The following PMEPA1 variants were observed in gnomAD, a reference collection of about 807,000 sequenced individuals.
PMEPA1 encodes the protein prostate transmembrane protein, androgen induced 1, also known as protein TMEPAI.
Under a neutral mutation model 23.0 loss-of-function variants are expected in PMEPA1, and 11 were observed. That is an observed-to-expected ratio of 0.48 (90% CI 0.30 to 0.79). The LOEUF is 0.79. Ranked by LOEUF, PMEPA1 falls within the 30% of genes least tolerant of loss-of-function variation. PMEPA1 has a pLI of 0.06. For synonymous variants in PMEPA1, 204 were observed against 166.4 expected (o/e 1.23, Z -1.74); for missense variants, 377 against 390.9 (o/e 0.96, Z 0.30).
At chr20:57,697,668 G>A (rs1600671211) in intron 1 of PMEPA1, among the ~76,000 whole-genome samples, 1 of 152,290 alleles carries the variant, frequency 6.6e-6, no homozygotes. Flanking sequence ...ATGCAGATGG[G>A]GAACCAACCA....
chr20:57,649,603 GC>G lies in PMEPA1; in HGVS notation c.*2449del, dbSNP rs557415815. On this transcript the variant is annotated 3_prime_UTR_variant, in exon 4 of 4. Coordinates refer to ENST00000341744, the MANE Select transcript of PMEPA1 (RefSeq NM_020182.5). ...AGGATATGAGGACTGTCTCAGCCTG[GC>G]TTTGGGCTGACACCATGCACACACA... is the stretch of plus-strand genomic sequence containing the variant. The G allele has an allele frequency of 9.8e-5, 15 of 152,320 alleles. No individual in the cohort carries two copies. Among genetic ancestry groups the G allele is most frequent in the African/African-American group, 3.6e-4 (15 of 41,544 alleles). The allele number at this position is 152,320 out of a possible 1,614,324, so 9.4% of individuals were successfully genotyped here.
intron 1 of PMEPA1, among the ~76,000 whole-genome samples, chr20:57,664,694 G>C (rs193010111): frequency 1.3e-5 from 2 of 152,206 alleles, no homozygotes; most frequent in African/African-American, 4.8e-5. Context: ...AACGCGAGGC[G>C]GAAGGAGAGA....
rs56813322 is a variant in PMEPA1 at position 57,652,834 on chromosome 20, G to A, written c.318+199C>T. Among the ~76,000 whole-genome samples, 1 of 152,192 alleles carries A rather than the reference G, an allele frequency of 6.6e-6. No homozygotes were observed. The highest frequency in any genetic ancestry group is 2.1e-4 in the South Asian group (1 of 4,834). ...AAACAGTGGCAGCGTCCGTGCTCCC[G>A]TGTGCAGAGAGCAGAGAGCTGGGCT... is the stretch of plus-strand genomic sequence containing the variant. On this transcript the variant is annotated intron_variant, in intron 3 of 3. Transcript: ENST00000341744. This position sits in a 1 kb window ranked among gnomAD's most constrained non-coding sequence, Gnocchi z 6.1.
chr20:57,661,678 G>A (rs2071420962), intron 1 of PMEPA1, among the ~76,000 whole-genome samples: 2 of 152,172 alleles, frequency 1.3e-5, no homozygotes, highest in African/African-American at 4.8e-5. Context: ...GATGCCAGGC[G>A]CTCGGGCCAT....
chr20:57,652,557 G>C lies in PMEPA1; in HGVS notation c.360C>G (p.Ala120=), dbSNP rs574354854. 3.3e-6 allele frequency: 5 copies of C among 1,528,576 alleles called. No homozygotes were observed. Among genetic ancestry groups the C allele is most frequent in the South Asian group, 1.3e-5 (1 of 77,440 alleles). 94.7% of individuals were successfully genotyped at this position (1,528,576 alleles called of 1,614,324 possible). ...YAPPRPTDRL[A]VPPFAQRERF... is the part of the protein sequence containing the mutation. ...GCTCCCGCTGGGCGAAGGGCGGCAC[G>C]GCCAGGCGGTCGGTGGGCCGAGGCG... Residue 120 remains alanine (A), a synonymous_variant, in exon 4 of 4, where the codon GCC becomes GCG. Transcript: ENST00000341744. The surrounding 1 kb of genome is among the most constrained non-coding windows in gnomAD (Gnocchi z 6.1).
At chr20:57,663,859 C>T (rs1394079384) in intron 1 of PMEPA1, among the ~76,000 whole-genome samples, 2 of 152,180 alleles carry the variant, frequency 1.3e-5, no homozygotes, top group South Asian at 4.1e-4. Flanking sequence ...AAGGAGGCCC[C>T]GAAATCTCCA....
At chr20:57,686,179 G>A (rs908551569) in intron 1 of PMEPA1, among the ~76,000 whole-genome samples, 89 of 152,284 alleles carry the variant, frequency 5.8e-4, no homozygotes, top group African/African-American at 1.5e-3. Flanking sequence ...CGGGGCAGCC[G>A]GACAGGGGTG....
upstream of PMEPA1, chr20:57,710,134 A>C: frequency 1.4e-6 from 1 of 726,286 alleles, no homozygotes; most frequent in Non-Finnish European, 1.8e-6. Context: ...GGGCGGGGTG[A>C]CGGGAAACGG....
chr20:57,709,007 G>A (rs1287486568), intron 1 of PMEPA1, among the ~76,000 whole-genome samples: 1 of 151,840 alleles, frequency 6.6e-6, no homozygotes, highest in Non-Finnish European at 1.5e-5. Context: ...CTCAGAGCCC[G>A]AGACACAGCG....
chr20:57,654,700 G>C (rs1169569894), intron 2 of PMEPA1, among the ~76,000 whole-genome samples: 3 of 152,044 alleles, frequency 2.0e-5, no homozygotes, highest in Non-Finnish European at 2.9e-5. Flanking sequence ...CAGCATCTGT[G>C]CCTAGTGGAC....
chr20:57,670,324 G>A (rs977416518), intron 1 of PMEPA1, among the ~76,000 whole-genome samples: 4 of 152,180 alleles, frequency 2.6e-5, no homozygotes, highest in African/African-American at 9.7e-5. Flanking sequence ...CCTCCGTGGT[G>A]CAGCACAGCT....
chr20:57,652,259 C>T lies in PMEPA1; in HGVS notation c.658G>A (p.Gly220Ser), dbSNP rs6092514. ...SNSGISATCY[G>S]SGGRMEGPPP... ...GGCCCCTCCATGCGCCCGCCGCTGC[C>T]GTAGCACGTGGCGCTGATGCCCGAG... The change falls in exon 4 of 4, where the codon GGC (glycine) becomes AGC (serine). Residue 220 changes from glycine (G) to serine (S), a missense_variant. Gly to Ser is a moderately conservative substitution (Grantham distance 56). Coordinates refer to ENST00000341744, the MANE Select transcript of PMEPA1 (RefSeq NM_020182.5). This position sits in a 1 kb window ranked among gnomAD's most constrained non-coding sequence, Gnocchi z 6.1. The T allele has an allele frequency of 1.9e-6, 3 of 1,608,154 alleles. No homozygotes were observed. Among genetic ancestry groups the T allele is most frequent in the African/African-American group, 1.3e-5 (1 of 74,894 alleles).
At chr20:57,667,640 G>A (rs987003641) in intron 1 of PMEPA1, among the ~76,000 whole-genome samples, 2 of 152,178 alleles carry the variant, frequency 1.3e-5, no homozygotes, top group East Asian at 1.9e-4. Flanking sequence ...GGCCCTGTCT[G>A]GCCTCCTGGC....
At position 57,652,212 on chromosome 20, in the gene PMEPA1, G is replaced by T; in HGVS notation, c.705C>A (p.Val235=). 1 of 1,609,568 alleles carries T rather than the reference G, an allele frequency of 6.2e-7. No homozygotes were observed. The highest frequency in any genetic ancestry group is 8.5e-7 in the Non-Finnish European group (1 of 1,179,436). ...AGGAGGACCCCGGGTAGTGGCCGATGACCTCGCTGTAGGTGGGCGGCGGCC... is the reference window on the plus strand; with the variant it reads ...AGGAGGACCCCGGGTAGTGGCCGATTACCTCGCTGTAGGTGGGCGGCGGCC... ...MEGPPPTYSE[V]IGHYPGSSFQ... Residue 235 remains valine (V), a synonymous_variant, in exon 4 of 4, where the codon GTC becomes GTA. Transcript: ENST00000341744. This position sits in a 1 kb window ranked among gnomAD's most constrained non-coding sequence, Gnocchi z 6.1.
chr20:57,662,116 G>A (rs1471297003), intron 1 of PMEPA1, among the ~76,000 whole-genome samples: 1 of 152,104 alleles, frequency 6.6e-6, no homozygotes, highest in Non-Finnish European at 1.5e-5. Flanking sequence ...TTCTCAGCTG[G>A]GGCCACGTCT....
At position 57,648,448 on chromosome 20, in the gene PMEPA1, CATCATTGCCACTAATGATTACTGAT is replaced by C. The variant is rs2071175248; in HGVS notation, c.*3580_*3604del. The C allele has an allele frequency of 6.6e-6, 1 of 152,648 alleles. No homozygotes were observed. The highest frequency in any genetic ancestry group is 2.4e-5 in the African/African-American group (1 of 41,458). The allele number at this position is 152,648 out of a possible 1,614,324, so 9.5% of individuals were successfully genotyped here. A position where few individuals can be genotyped will look rare whatever the true frequency, so the allele number is the denominator to read the frequency against. ...TAAGTATTGCAGCTTTTCAGAATGT[CATCATTGCCACTAATGATTACTGAT>C]ACACAACAAGCAGTTTCTTCAGGCC... On this transcript the variant is annotated 3_prime_UTR_variant, in exon 4 of 4. Transcript: ENST00000341744.
At chr20:57,664,652 CG>C (rs1443026537) in intron 1 of PMEPA1, among the ~76,000 whole-genome samples, 1 of 152,188 alleles carries the variant, frequency 6.6e-6, no homozygotes, top group African/African-American at 2.4e-5. Context: ...AGATGCCTCG[CG>C]GGCAAGGGAA....
rs563911611 is a variant in PMEPA1 at position 57,652,716 on chromosome 20, G to A, written c.319-118C>T. 27 of 977,962 alleles carry A rather than the reference G, an allele frequency of 2.8e-5. No homozygotes were observed. Among genetic ancestry groups the A allele is most frequent in the Non-Finnish European group, 4.0e-5 (27 of 682,112 alleles). 60.6% of individuals were successfully genotyped at this position (977,962 alleles called of 1,614,324 possible). ...TTGGCTCTCTGGGGAAAGGGAGAGGGCAGCAGGGCTGGCGGGGGCGGGAGC... is the reference window on the plus strand; with the variant it reads ...TTGGCTCTCTGGGGAAAGGGAGAGGACAGCAGGGCTGGCGGGGGCGGGAGC... On this transcript the variant is annotated intron_variant, in intron 3 of 3. Transcript: ENST00000341744. The surrounding 1 kb of genome is among the most constrained non-coding windows in gnomAD (Gnocchi z 6.1).
intron 2 of PMEPA1, among the ~76,000 whole-genome samples, chr20:57,658,221 C>A (rs2071354936): frequency 6.6e-6 from 1 of 151,270 alleles, no homozygotes; most frequent in African/African-American, 2.4e-5. Flanking sequence ...GAACACCCAC[C>A]AATGCTCACA....
Sources: gnomAD v4.1 joint callset for allele counts (sites outside exome capture counted in the v4.1 genomes callset) on GRCh38, gnomAD v4.1.1 for gene constraint, Gnocchi (gnomAD v3.1) non-coding constraint, MANE v1.5 for transcripts, NCBI Gene and HGNC (gene_info 2026-07-23, HGNC 2026-07-21) for gene names.